TMX3: variants seen among roughly 807,000 people sequenced by gnomAD.
The protein encoded by TMX3 is thioredoxin related transmembrane protein 3, also known as protein disulfide-isomerase TMX3.
In TMX3, 40 loss-of-function variants were observed where a neutral mutation model predicts 64.4. The ratio of observed to expected loss-of-function variants is 0.62; its 90% CI spans 0.48 to 0.81. TMX3 has a LOEUF of 0.81. Ranked by LOEUF, TMX3 falls within the 30% of genes least tolerant of loss-of-function variation. The pLI is 0.00. For missense variants in TMX3, 497 were observed against 534.5 expected, an observed-to-expected ratio of 0.93 and a Z score of 0.69; for synonymous variants, 189 against 175.7, an observed-to-expected ratio of 1.08 and a Z score of -0.60.
In TMX3 at chr18:68,675,584, T is replaced by C. The variant is rs1302758383; in HGVS notation, c.*1349A>G. 6.6e-6 allele frequency: 1 copy of C among 152,168 alleles called. No individual in the cohort carries two copies. Among genetic ancestry groups the C allele is most frequent in the Non-Finnish European group, 1.5e-5 (1 of 68,024 alleles). 9.4% of individuals were successfully genotyped at this position (152,168 alleles called of 1,614,324 possible). On this transcript the variant is annotated 3_prime_UTR_variant, in exon 16 of 16. Coordinates refer to ENST00000299608, the MANE Select transcript of TMX3 (RefSeq NM_019022.5). The stretch of plus-strand genomic sequence containing the variant: ...CATATTTTTTGACCATGCATTACAT[T>C]ATTTTTTAATAAATGTTCAATAAAA...
chr18:68,703,755 C>A (rs2030366501), intron 4 of TMX3, among the ~76,000 whole-genome samples: 1 of 152,032 alleles, frequency 6.6e-6, no homozygotes, highest in African/African-American at 2.4e-5. Context: ...ATGGTGAAAC[C>A]CCGTCTCTAC....
rs771167448 is a variant in TMX3 at position 68,684,259 on chromosome 18, C to A, written c.795-16G>T. The A allele has an allele frequency of 3.1e-6, 5 of 1,603,406 alleles. No homozygotes were observed. In the South Asian group the frequency reaches 3.3e-5, roughly 11 times the overall value. On this transcript the variant is annotated splice_polypyrimidine_tract_variant and intron_variant, in intron 11 of 15. Transcript: ENST00000299608. ...TGACTTCAATCTGTAGAAGAACAAACATATGAATAGTTCATCTCTGCACTT... is the reference window on the plus strand; with the variant it reads ...TGACTTCAATCTGTAGAAGAACAAAAATATGAATAGTTCATCTCTGCACTT...
chr18:68,697,173 GTAA>G, intron 8 of TMX3, 50 bp downstream of exon 8: 3 of 891,362 alleles, frequency 3.4e-6, no homozygotes, highest in East Asian at 2.7e-5. Flanking sequence ...ATTAAATCAA[GTAA>G]TAATTTAATA....
intron 4 of TMX3, among the ~76,000 whole-genome samples, chr18:68,702,778 C>G (rs548581622): frequency 6.6e-6 from 1 of 152,270 alleles, no homozygotes; most frequent in Non-Finnish European, 1.5e-5. Context: ...GTAATCTTCA[C>G]TAATCTTTGG....
rs763599378 is a variant in TMX3, at chr18:68,684,446, G to C, written c.776C>G (p.Thr259Arg). Residue 259 changes from threonine to arginine, a missense_variant, in exon 11 of 16, where the codon ACA becomes AGA. This residue lies in a region of TMX3 where 360 missense variants were observed against 383.5 expected (regional missense o/e 0.94). Transcript: ENST00000299608. ...ATTATACCTGGTATGTTCAACTGAT[G>C]TATTTTTCTCATCAATAACTGCAAG... ...VALAVIDEKN[T>R]SVEHTRLKSI... is the part of the protein sequence containing the mutation. 2.5e-6 allele frequency: 4 copies of C among 1,612,790 alleles called. No individual in the cohort carries two copies. Among genetic ancestry groups the C allele is most frequent in the Non-Finnish European group, 2.5e-6 (3 of 1,179,508 alleles).
chr18:68,714,785 G>T, intron 1 of TMX3, 151 bp downstream of exon 1: 2 of 1,109,706 alleles, frequency 1.8e-6, no homozygotes, highest in Admixed American at 2.9e-5. Flanking sequence ...AGGCAGGGTG[G>T]CGCGGCGGGG....
Position 68,711,390 on chromosome 18 carries a change from G to C in TMX3, c.115C>G (p.Arg39Gly), listed in dbSNP as rs757393640. ...EDLDESFKEN[R>G]NDDIWLVDFY... is the part of the protein sequence containing the mutation. The stretch of plus-strand genomic sequence containing the variant: ...TCTACAAGCCAAATGTCATCATTTC[G>C]ATTTTCTTTAAACCTAAAAAACAAG... Residue 39 changes from arginine to glycine, a missense_variant, in exon 3 of 16, where the codon CGA becomes GGA. Transcript: ENST00000299608. 4 of 1,590,248 alleles carry C rather than the reference G, an allele frequency of 2.5e-6. No individual in the cohort carries two copies. The South Asian group carries it at 3.4e-5, about 14-fold the overall frequency.
At position 68,674,343 on chromosome 18, in the gene TMX3, CAT is replaced by C. The variant is rs1912758245; in HGVS notation, c.*2588_*2589del. On this transcript the variant is annotated 3_prime_UTR_variant, in exon 16 of 16. Transcript: ENST00000299608. ...TGGTGCACAGGGTACTCGATAAAAACATGCACTTTGTCTCGCTGAAATGTCCT... is the reference window on the plus strand; with the variant it reads ...TGGTGCACAGGGTACTCGATAAAAACGCACTTTGTCTCGCTGAAATGTCCT... 1 of 152,098 alleles carries C rather than the reference CAT, an allele frequency of 6.6e-6. No individual in the cohort carries two copies. Among genetic ancestry groups the C allele is most frequent in the Admixed American group, 6.5e-5 (1 of 15,270 alleles). The allele number at this position is 152,098 out of a possible 1,614,324, so 9.4% of individuals were successfully genotyped here.
intron 8 of TMX3, among the ~76,000 whole-genome samples, chr18:68,691,716 C>G (rs747706077): frequency 2.6e-5 from 4 of 152,184 alleles, no homozygotes; most frequent in Non-Finnish European, 5.9e-5. Flanking sequence ...GCTTCCTCAT[C>G]TGTGGAATAA....
chr18:68,676,888 T>C lies in TMX3; in HGVS notation c.*45A>G, dbSNP rs1037093073. On this transcript the variant is annotated 3_prime_UTR_variant, in exon 16 of 16. Transcript: ENST00000299608. ...ATGTCTAAATTCAATAAATAGACTC[T>C]TTAATAATTTGAAGTCCTAACAAAT... The C allele has an allele frequency of 3.2e-6, 5 of 1,574,344 alleles. No individual in the cohort carries two copies. Among genetic ancestry groups the C allele is most frequent in the African/African-American group, 1.4e-5 (1 of 72,936 alleles).
At chr18:68,701,720 T>C (rs771294967) in intron 5 of TMX3, 25 bp downstream of exon 5, 17 of 1,611,184 alleles carry the variant, frequency 1.1e-5, no homozygotes, top group Non-Finnish European at 1.4e-5. Context: ...AAAATACACA[T>C]ATAAACATAC....
Position 68,687,734 on chromosome 18 carries a change from G to A in TMX3, c.669C>T (p.Ile223=). 6.2e-7 allele frequency: 1 copy of A among 1,612,184 alleles called. No homozygotes were observed. Among genetic ancestry groups the A allele is most frequent in the Non-Finnish European group, 8.5e-7 (1 of 1,179,222 alleles). Residue 223 remains isoleucine, a synonymous_variant, in exon 10 of 16, where the codon ATC becomes ATT. Transcript: ENST00000299608. ...GGTAATTCTGAAACCTTTCCCTGTT[G>A]ATCCATGATGACAGATCACCATCTT... ...EYEDGDLSSW[I]NRERFQNYLA...
intron 4 of TMX3, among the ~76,000 whole-genome samples, chr18:68,705,217 C>T (rs1205327913): frequency 6.6e-6 from 1 of 152,090 alleles, no homozygotes; most frequent in Non-Finnish European, 1.5e-5. Flanking sequence ...TTCCTCCTCC[C>T]ATCCAACTCC....
chr18:68,713,902 T>C lies in TMX3; in HGVS notation c.47-2A>G. On this transcript the variant is annotated splice_acceptor_variant, in intron 1 of 15. Transcript: ENST00000299608. LOFTEE classifies it high-confidence loss of function. ...AGACGACCATATCAAGTACAACAACTGAAAAAAAAAGACAAAATGTACACA... is the reference window on the plus strand; with the variant it reads ...AGACGACCATATCAAGTACAACAACCGAAAAAAAAAGACAAAATGTACACA... 1 of 1,575,706 alleles carries C rather than the reference T, an allele frequency of 6.3e-7. No homozygotes were observed. The highest frequency in any genetic ancestry group is 1.8e-5 in the Admixed American group (1 of 56,434).
chr18:68,714,881 G>C (rs2031788915), intron 1 of TMX3, 55 bp downstream of exon 1: 1 of 1,545,436 alleles, frequency 6.5e-7, no homozygotes, highest in South Asian at 1.2e-5. Flanking sequence ...CCGGCCCCAC[G>C]GCGGGGCCAG....
At chr18:68,680,054 T>C (rs528091164) in intron 14 of TMX3, among the ~76,000 whole-genome samples, 23 of 152,180 alleles carry the variant, frequency 1.5e-4, no homozygotes, top group Non-Finnish European at 2.5e-4. Context: ...CTGAGTTGCA[T>C]TCCACTAACT....
In TMX3 at chr18:68,700,468, G is replaced by T; in HGVS notation, c.329C>A (p.Ala110Glu). Residue 110 changes from alanine (A) to glutamate (E), a missense_variant, in exon 6 of 16, where the codon GCA becomes GAA. Coordinates refer to ENST00000299608, the MANE Select transcript of TMX3 (RefSeq NM_019022.5). ...TGTTCGTGGTCCTCTATAATTATAT[G>T]CCAAGTCCCCTTTTAATCTTTAAAA... ...PTIKLLKGDLAYNYRGPRTKD... is the reference protein window; with the variant it reads ...PTIKLLKGDLEYNYRGPRTKD... The T allele has an allele frequency of 6.4e-7, 1 of 1,556,474 alleles. No individual in the cohort carries two copies.
At chr18:68,678,034 C>T (rs1038067354) in intron 15 of TMX3, among the ~76,000 whole-genome samples, 1 of 151,822 alleles carries the variant, frequency 6.6e-6, no homozygotes, top group African/African-American at 2.4e-5. Context: ...TGATCAAAAT[C>T]GATTATTTTA....
At chr18:68,677,960 A>T (rs146266084) in intron 15 of TMX3, among the ~76,000 whole-genome samples, 1 of 152,258 alleles carries the variant, frequency 6.6e-6, no homozygotes, top group Non-Finnish European at 1.5e-5. Context: ...ATATTCAAAA[A>T]CCAACGAGGA....
Sources: allele counts gnomAD v4.1 joint callset (sites outside exome capture counted in the v4.1 genomes callset), GRCh38; gene constraint gnomAD v4.1.1; regional missense constraint gnomAD v4.1.1; transcripts MANE v1.5; gene names NCBI Gene and HGNC (gene_info 2026-07-23, HGNC 2026-07-21).